The following NXF3 variants were observed in gnomAD, a reference collection of about 807,000 sequenced individuals.
The protein encoded by NXF3 is nuclear RNA export factor 3.
Under a neutral mutation model 48.4 loss-of-function variants are expected in NXF3, and 34 were observed. The observed-to-expected ratio is 0.70, with a 90% CI of 0.53 to 0.93. The LOEUF is 0.93. NXF3 is among the 40% of genes least tolerant of loss of function. The pLI, the probability that NXF3 is intolerant of heterozygous loss-of-function variation, is 0.00. For missense variants in NXF3, 359 were observed against 406.1 expected (o/e 0.88, Z 1.00); for synonymous variants, 132 against 145.7 (o/e 0.91, Z 0.68).
At chrX:103,092,683 T>TGGG (rs1922308026) in intron 1 of NXF3, among the ~76,000 whole-genome samples, 1 of 112,897 alleles carries the variant, frequency 8.9e-6, no homozygotes, top group African/African-American at 3.2e-5. Context: ...GGGGCTGGGG[T>TGGG]GGGAGGTAAT....
intron 1 of NXF3, among the ~76,000 whole-genome samples, chrX:103,085,729 C>A (rs1344234562): frequency 9.2e-6 from 1 of 108,718 alleles, no homozygotes; most frequent in Non-Finnish European, 1.9e-5. Flanking sequence ...TGATGAAACA[C>A]CCTCTCTACT....
At chrX:103,084,200 A>T (rs929049697) in intron 3 of NXF3, 142 bp downstream of exon 3, 24 of 670,637 alleles carry the variant, frequency 3.6e-5, no homozygotes, top group Middle Eastern at 5.0e-4. Flanking sequence ...TCTTAAGATG[A>T]TCTAGGATGT....
intron 1 of NXF3, chrX:103,087,280 T>G (rs1362602031): frequency 2.7e-6 from 3 of 1,129,588 alleles, no homozygotes; most frequent in Admixed American, 4.4e-5. Flanking sequence ...GCCATATATT[T>G]GCAATATTTG....
At chrX:103,083,134 G>A in intron 6 of NXF3, 59 bp downstream of exon 6, 1 of 1,192,063 alleles carries the variant, frequency 8.4e-7, no homozygotes, top group Admixed American at 2.2e-5. Context: ...GGGGCAATAG[G>A]TGGGGAAGAA....
chrX:103,088,331 C>T, intron 1 of NXF3: 1 of 542,227 alleles, frequency 1.8e-6, no homozygotes, highest in Non-Finnish European at 3.2e-6. Flanking sequence ...TCTGAACAAA[C>T]CCAAAGAACA....
At position 103,077,499 on chromosome X, in the gene NXF3, G is replaced by A. The variant is rs190522207; in HGVS notation, c.1584+115C>T. ...AATCTCCTGACCTCGTGATTCGCCC[G>A]CCTCGGCCTCCCAAAGTGCTGGGAT... On this transcript the variant is annotated intron_variant, in intron 18 of 19. Coordinates refer to ENST00000395065, the MANE Select transcript of NXF3 (RefSeq NM_022052.2). 1.2e-5 allele frequency: 10 copies of A among 839,013 alleles called. No individual in the cohort carries two copies. The highest frequency in any genetic ancestry group is 4.1e-5 in the African/African-American group (2 of 48,777). The allele number at this position is 839,013 out of a possible 1,213,427, so 69.1% of individuals were successfully genotyped here.
intron 1 of NXF3, among the ~76,000 whole-genome samples, chrX:103,092,449 TAAA>T (rs1383893715): frequency 1.6e-4 from 18 of 112,548 alleles, no homozygotes; most frequent in Non-Finnish European, 3.2e-4. Flanking sequence ...CTGATCTAAG[TAAA>T]TAGAGAAATA....
chrX:103,083,739 G>T, intron 3 of NXF3, 47 bp from the exon 4 acceptor site: 1 of 997,891 alleles, frequency 1.0e-6, no homozygotes, highest in Non-Finnish European at 1.4e-6. Context: ...CTGACATAAT[G>T]GAATTAAACG....
At chrX:103,077,243 CTTTTTTTT>C (rs34811257) in intron 18 of NXF3, among the ~76,000 whole-genome samples, 1 of 62,611 alleles carries the variant, frequency 1.6e-5, no homozygotes, top group African/African-American at 8.7e-5. Flanking sequence ...GCACTCACTT[CTTTTTTTT>C]TTTTTTTTTT....
chrX:103,086,348 T>C (rs1922155647), intron 1 of NXF3, among the ~76,000 whole-genome samples: 1 of 110,738 alleles, frequency 9.0e-6, no homozygotes, highest in African/African-American at 3.3e-5. Context: ...GAAGCAGAGC[T>C]TGTAGTGAGC....
chrX:103,081,065 T>G (rs749940698), intron 9 of NXF3: 3 of 134,471 alleles, frequency 2.2e-5, no homozygotes, highest in Non-Finnish European at 4.4e-5. Context: ...GTGAGACATA[T>G]GAGAGGAGAG....
At chrX:103,083,364 C>T (rs1922066255) in intron 5 of NXF3, 34 bp downstream of exon 5, 6 of 1,174,905 alleles carry the variant, frequency 5.1e-6, no homozygotes, top group East Asian at 3.0e-5. Context: ...CCCTCTTGCT[C>T]GATGCTAGCC....
chrX:103,076,045 T>C lies in NXF3; in HGVS notation c.*50-45A>G, dbSNP rs749849623. ...GGGAAGATGATGAGGCTGAAGATTA[T>C]GACACTTAAGGATTTCCTCTTAGGG... On this transcript the variant is annotated intron_variant, in intron 19 of 19. Coordinates refer to ENST00000395065, the MANE Select transcript of NXF3 (RefSeq NM_022052.2). 6 of 391,871 alleles carry C rather than the reference T, an allele frequency of 1.5e-5. No homozygotes were observed. In the East Asian group the frequency reaches 1.6e-4, roughly 10 times the overall value. 32.3% of individuals were successfully genotyped at this position (391,871 alleles called of 1,213,427 possible). A position where few individuals can be genotyped will look rare whatever the true frequency, so the allele number is the denominator to read the frequency against.
intron 1 of NXF3, 134 bp from the exon 2 acceptor site, chrX:103,085,017 T>A (rs1922111378): frequency 1.7e-6 from 1 of 572,027 alleles, no homozygotes; most frequent in Non-Finnish European, 2.8e-6. Flanking sequence ...CAGACTGTAG[T>A]GCAGTGGCAT....
At position 103,083,669 on chromosome X, in the gene NXF3, A is replaced by T; in HGVS notation, c.375T>A (p.Asn125Lys). The T allele has an allele frequency of 8.3e-7, 1 of 1,204,913 alleles. No homozygotes were observed. Among genetic ancestry groups the T allele is most frequent in the South Asian group, 1.8e-5 (1 of 56,784 alleles). Residue 125 changes from asparagine (N) to lysine (K), a missense_variant, in exon 4 of 20, where the codon AAT (asparagine) becomes AAA (lysine). Coordinates refer to ENST00000395065, the MANE Select transcript of NXF3 (RefSeq NM_022052.2). ...GAATCAAATTCAGCAGCCACTTCTC[A>T]TTGTATTTTATGCCAAAGGGAACCT... ...KITVPFGIKYNEKWLLNLIQN... is the reference protein window; with the variant it reads ...KITVPFGIKYKEKWLLNLIQN...
At chrX:103,090,418 G>A (rs1922247025) in intron 1 of NXF3, among the ~76,000 whole-genome samples, 1 of 112,063 alleles carries the variant, frequency 8.9e-6, no homozygotes, top group South Asian at 3.7e-4. Flanking sequence ...GAACTGTTAT[G>A]ATTTGGGAAA....
chrX:103,080,441 TC>T (rs1921980848), intron 10 of NXF3, 134 bp downstream of exon 10: 10 of 696,559 alleles, frequency 1.4e-5, no homozygotes, highest in Non-Finnish European at 2.3e-5. Context: ...GGGTCCGTAT[TC>T]CCTTCCCCCA....
chrX:103,081,305 T>C (rs1922001397), intron 9 of NXF3: 1 of 112,052 alleles, frequency 8.9e-6, no homozygotes, highest in Non-Finnish European at 1.9e-5. Context: ...CAGTCTGAGC[T>C]GGGCATGGGA....
chrX:103,076,127 C>T, intron 19 of NXF3, 114 bp downstream of exon 19: 2 of 539,212 alleles, frequency 3.7e-6, no homozygotes, highest in Non-Finnish European at 6.5e-6. Flanking sequence ...GGATCTTGCC[C>T]TTGGCCGAGA....
Sources: gnomAD v4.1 joint callset for allele counts (sites outside exome capture counted in the v4.1 genomes callset) on GRCh38, gnomAD v4.1.1 for gene constraint, MANE v1.5 for transcripts, NCBI Gene and HGNC (gene_info 2026-07-23, HGNC 2026-07-21) for gene names.